Variants in KLHL1 observed in about 807,000 individuals in gnomAD.
KLHL1 encodes the protein kelch-like protein 1.
A neutral mutation model predicts 77.7 loss-of-function variants in KLHL1; 47 were observed. That is an observed-to-expected ratio of 0.60 (90% confidence interval 0.48 to 0.77). The LOEUF (loss-of-function observed/expected upper bound fraction) is 0.77, where lower values mean the gene tolerates loss of function less well. Ranked by LOEUF, KLHL1 falls within the 30% of genes least tolerant of loss-of-function variation. The probability of loss-of-function intolerance (pLI) is 0.00; values close to 1 mark genes in which losing one functional copy is unlikely to be tolerated. For synonymous variants in KLHL1, 360 were observed against 325.2 expected (o/e 1.11, Z -1.15); for missense variants, 925 against 910.8 (o/e 1.02, Z -0.20).
chr13:69,794,557 G>A (rs9572290), intron 7 of KLHL1, among the ~76,000 whole-genome samples: 2 of 142,572 alleles, frequency 1.4e-5, no homozygotes, highest in East Asian at 4.2e-4. Context: ...AAAGAGGAGA[G>A]AGAGATTAAA....
rs114369533 is a variant in KLHL1 at position 69,765,937 on chromosome 13, G to A, written c.1640-25381C>T. Among the ~76,000 whole-genome samples, 1,442 of 152,242 alleles carry A rather than the reference G, an allele frequency of 9.5e-3. 26 individuals carry two copies. Among genetic ancestry groups the A allele is most frequent in the African/African-American group, 0.033 (1,356 of 41,534 alleles). On this transcript the variant is annotated intron_variant, in intron 7 of 10. Coordinates refer to ENST00000377844, the MANE Select transcript of KLHL1 (RefSeq NM_020866.3). Reference sequence around the variant, plus strand: ...GTTTCACCTAAGTTATTGCTATTTTGGATTTTACTCTTAGCCTCAGTTGAC... The same window carrying A: ...GTTTCACCTAAGTTATTGCTATTTTAGATTTTACTCTTAGCCTCAGTTGAC...
intron 8 of KLHL1, among the ~76,000 whole-genome samples, chr13:69,728,701 G>A (rs1364661332): frequency 4.0e-5 from 6 of 150,780 alleles, no homozygotes; most frequent in African/African-American, 1.5e-4. Context: ...CCAGCTACTT[G>A]GGAGGCTGAG....
intron 7 of KLHL1, among the ~76,000 whole-genome samples, chr13:69,781,707 G>A (rs114003307): frequency 0.083 from 12,678 of 151,938 alleles, 587 homozygotes; most frequent in Non-Finnish European, 0.1. Context: ...CATAAAATCC[G>A]TTTTTTTGTC....
intron 3 of KLHL1, among the ~76,000 whole-genome samples, chr13:69,950,217 C>A (rs149218714): frequency 5.4e-4 from 82 of 151,714 alleles, no homozygotes; most frequent in African/African-American, 1.9e-3. Flanking sequence ...CTATTTCTGT[C>A]CACCTTATAC....
chr13:69,865,648 G>A (rs770793775), intron 5 of KLHL1, among the ~76,000 whole-genome samples: 1 of 152,026 alleles, frequency 6.6e-6, no homozygotes, highest in Non-Finnish European at 1.5e-5. Flanking sequence ...CAATAATATC[G>A]TACCCAGAAA....
At chr13:69,924,969 T>C (rs1431230418) in intron 4 of KLHL1, among the ~76,000 whole-genome samples, 1 of 152,192 alleles carries the variant, frequency 6.6e-6, no homozygotes, top group Admixed American at 6.5e-5. Context: ...TGTCTGGCTG[T>C]GCACAGTGGC....
At chr13:69,885,292 G>A (rs1359828088) in intron 4 of KLHL1, among the ~76,000 whole-genome samples, 1 of 152,016 alleles carries the variant, frequency 6.6e-6, no homozygotes, top group Non-Finnish European at 1.5e-5. Context: ...CAATAATTTT[G>A]TATTTTTATA....
chr13:69,999,489 C>T (rs938481196), intron 1 of KLHL1, among the ~76,000 whole-genome samples: 6 of 152,028 alleles, frequency 3.9e-5, no homozygotes, highest in African/African-American at 1.4e-4. Flanking sequence ...GTTTGACAGA[C>T]CTAATTTCAA....
intron 5 of KLHL1, among the ~76,000 whole-genome samples, chr13:69,879,107 A>T (rs1259271939): frequency 2.0e-5 from 3 of 152,028 alleles, no homozygotes; most frequent in East Asian, 3.9e-4. Context: ...GTCGTAGGAG[A>T]TACGAGTTGA....
chr13:69,997,180 C>T (rs1484097375), intron 1 of KLHL1, among the ~76,000 whole-genome samples: 2 of 151,314 alleles, frequency 1.3e-5, no homozygotes, highest in South Asian at 2.1e-4. Context: ...AATATCACGC[C>T]ACTGCACTCC....
At chr13:70,035,758 A>T (rs1162178508) in intron 1 of KLHL1, among the ~76,000 whole-genome samples, 1 of 152,006 alleles carries the variant, frequency 6.6e-6, no homozygotes, top group East Asian at 1.9e-4. Context: ...TTAACTTTTC[A>T]TTTTGAGAGA....
chr13:70,069,793 A>ACAATGTATC (rs1294514479), intron 1 of KLHL1, among the ~76,000 whole-genome samples: 1 of 151,552 alleles, frequency 6.6e-6, no homozygotes, highest in African/African-American at 2.4e-5. Flanking sequence ...AGATTTTAAA[A>ACAATGTATC]AATATAAAAT....
intron 1 of KLHL1, among the ~76,000 whole-genome samples, chr13:70,043,011 T>C (rs1886413134): frequency 6.6e-6 from 1 of 152,210 alleles, no homozygotes; most frequent in Admixed American, 6.5e-5. Flanking sequence ...ATTCAAGCAG[T>C]TCTCCTGTAT....
chr13:70,078,580 C>A (rs1231137997), intron 1 of KLHL1, among the ~76,000 whole-genome samples: 1 of 151,948 alleles, frequency 6.6e-6, no homozygotes, highest in Non-Finnish European at 1.5e-5. Flanking sequence ...ATTTGAAAAG[C>A]CACTAATAAG....
rs942891953 is a variant in KLHL1 at position 69,988,017 on chromosome 13, C to A, written c.498-12215G>T. ...TTCAGGCTTGTTATAGAGGCGAACT[C>A]ATGACTCGAGGGTTTTGTGTACAGG... On this transcript the variant is annotated intron_variant, in intron 1 of 10. Transcript: ENST00000377844. 2.6e-5 allele frequency among the ~76,000 whole-genome samples: 4 copies of A among 151,808 alleles called. No homozygotes were observed. In the South Asian group the frequency reaches 8.3e-4, roughly 32 times the overall value.
At chr13:69,962,775 A>G (rs1039678570) in intron 2 of KLHL1, among the ~76,000 whole-genome samples, 5 of 92,070 alleles carry the variant, frequency 5.4e-5, no homozygotes, top group Non-Finnish European at 1.2e-4. Context: ...TTTTTAATCA[A>G]GGCTATAGTA....
At chr13:69,759,524 CAT>C (rs1380168306) in intron 7 of KLHL1, among the ~76,000 whole-genome samples, 1 of 152,100 alleles carries the variant, frequency 6.6e-6, no homozygotes, top group Non-Finnish European at 1.5e-5. Flanking sequence ...TCTTAGATCA[CAT>C]AGAAATATTA....
intron 1 of KLHL1, among the ~76,000 whole-genome samples, chr13:70,084,622 C>CTTTTGTTTTTTTTTTTTTT (rs1887481890): frequency 6.7e-5 from 1 of 14,956 alleles, no homozygotes; most frequent in Non-Finnish European, 1.0e-4. Flanking sequence ...CCACGCCAGG[C>CTTTTGTTTTTTTTTTTTTT]TTTTTTTTTT....
At position 69,872,621 on chromosome 13, in the gene KLHL1, C is replaced by T. The variant is rs1880626122; in HGVS notation, c.1227+9662G>A. On this transcript the variant is annotated intron_variant, in intron 5 of 10. Coordinates refer to ENST00000377844, the MANE Select transcript of KLHL1 (RefSeq NM_020866.3). ...CCCCATAAAACCCTCCCGTCACTTTCTCTTGGGGAGACACTCCTTTTGAGA... is the reference window on the plus strand; with the variant it reads ...CCCCATAAAACCCTCCCGTCACTTTTTCTTGGGGAGACACTCCTTTTGAGA... Among the ~76,000 whole-genome samples the T allele has an allele frequency of 1.3e-5, 2 of 152,202 alleles. 1 individual carries two copies. Among genetic ancestry groups the T allele is most frequent in the South Asian group, 4.1e-4 (2 of 4,836 alleles).
Sources: gnomAD v4.1 joint callset for allele counts (sites outside exome capture counted in the v4.1 genomes callset) on GRCh38, gnomAD v4.1.1 for gene constraint, MANE v1.5 for transcripts, NCBI Gene and HGNC (gene_info 2026-07-23, HGNC 2026-07-21) for gene names.